Variants in COIL observed in about 807,000 individuals in gnomAD.
COIL encodes coilin.
COIL carries 28 observed loss-of-function variants against 51.6 expected under a neutral mutation model. The observed-to-expected ratio is 0.54, with a 90% CI of 0.40 to 0.74. The LOEUF is 0.74. Among genes scored for constraint, COIL ranks in the 30% least tolerant of loss-of-function variants. The pLI is 0.00. For missense variants in COIL, 667 were observed against 685.9 expected (o/e 0.97, Z 0.31); for synonymous variants, 233 against 255.8 (o/e 0.91, Z 0.85).
rs746391357 is a variant in COIL at position 56,961,029 on chromosome 17, T to G, written c.-10A>C. ...TCTCGGAAGCTGCCATCTTGCTTGG[T>G]GCTCAACGGAAGCCGAGAGATACCA... is the stretch of plus-strand genomic sequence containing the variant. On this transcript the variant is annotated 5_prime_UTR_variant, in exon 1 of 7. Coordinates refer to ENST00000240316, the MANE Select transcript of COIL (RefSeq NM_004645.3). 3 of 1,611,270 alleles carry G rather than the reference T, an allele frequency of 1.9e-6. No individual in the cohort carries two copies. Among genetic ancestry groups the G allele is most frequent in the East Asian group, 4.5e-5 (2 of 44,784 alleles).
At chr17:56,948,273 T>G (rs1170491465) in intron 4 of COIL, among the ~76,000 whole-genome samples, 1 of 151,694 alleles carries the variant, frequency 6.6e-6, no homozygotes, top group Non-Finnish European at 1.5e-5. Context: ...TAGCTGGGAC[T>G]ACAGGCACCC....
intron 1 of COIL, among the ~76,000 whole-genome samples, chr17:56,953,412 A>AAAT (rs1910418568): frequency 9.3e-6 from 1 of 107,094 alleles, no homozygotes; most frequent in Admixed American, 8.7e-5. Flanking sequence ...CTCCGTCTCA[A>AAAT]AAAAAAAAAA....
chr17:56,938,470 A>G lies in COIL; in HGVS notation c.*601T>C, dbSNP rs1214182420. 2 of 152,212 alleles carry G rather than the reference A, an allele frequency of 1.3e-5. No individual in the cohort carries two copies. Among genetic ancestry groups the G allele is most frequent in the Non-Finnish European group, 2.9e-5 (2 of 68,088 alleles). 9.4% of individuals were successfully genotyped at this position (152,212 alleles called of 1,614,324 possible). On this transcript the variant is annotated 3_prime_UTR_variant, in exon 7 of 7. Coordinates refer to ENST00000240316, the MANE Select transcript of COIL (RefSeq NM_004645.3). ...TCCAGGCATACACACACATACGCAC[A>G]TCTTATTTTCACTGCTCTACACAGG...
chr17:56,942,086 G>T lies in COIL; in HGVS notation c.1596C>A (p.His532Gln). The change falls in exon 6 of 7, where the codon CAC becomes CAA. Residue 532 changes from histidine (H) to glutamine (Q), a missense_variant. Coordinates refer to ENST00000240316, the MANE Select transcript of COIL (RefSeq NM_004645.3). ...REPGKFDLVYHNENGAEVVEY... is the reference protein window; with the variant it reads ...REPGKFDLVYQNENGAEVVEY... ...CCACTACCTCGGCTCCATTTTCATT[G>T]TGATAAACTAAATCAAATTTCCCAG... 6.2e-7 allele frequency: 1 copy of T among 1,614,142 alleles called. No homozygotes were observed. Among genetic ancestry groups the T allele is most frequent in the South Asian group, 1.1e-5 (1 of 91,086 alleles).
chr17:56,941,171 A>G (rs1910139758), intron 6 of COIL: 1 of 151,472 alleles, frequency 6.6e-6, no homozygotes, highest in Admixed American at 6.6e-5. Context: ...TATAAACCAT[A>G]TACTTCCCAA....
chr17:56,959,620 C>A (rs1375281378), intron 1 of COIL, among the ~76,000 whole-genome samples: 1 of 152,186 alleles, frequency 6.6e-6, no homozygotes, highest in Non-Finnish European at 1.5e-5. Flanking sequence ...GATACGCCAC[C>A]AGAAGTCTCA....
chr17:56,955,605 A>G (rs1395588899), intron 1 of COIL, among the ~76,000 whole-genome samples: 2 of 152,158 alleles, frequency 1.3e-5, no homozygotes, highest in Non-Finnish European at 2.9e-5. Context: ...AGCCTTTCTC[A>G]TCTATAAAAA....
chr17:56,945,467 C>T (rs1189244643), intron 5 of COIL, among the ~76,000 whole-genome samples: 5 of 152,240 alleles, frequency 3.3e-5, no homozygotes, highest in South Asian at 2.1e-4. Flanking sequence ...TCTTATTCCA[C>T]GCATTCAGTT....
At chr17:56,959,924 T>C (rs1208914287) in intron 1 of COIL, among the ~76,000 whole-genome samples, 1 of 152,220 alleles carries the variant, frequency 6.6e-6, no homozygotes, top group Non-Finnish European at 1.5e-5. Context: ...CTCGTTACAC[T>C]GCAGATTCCA....
At chr17:56,954,985 T>A (rs1910456001) in intron 1 of COIL, among the ~76,000 whole-genome samples, 1 of 152,184 alleles carries the variant, frequency 6.6e-6, no homozygotes, top group Admixed American at 6.5e-5. Context: ...CAAACAAAAG[T>A]GCATGCATTT....
rs994854302 is a variant in COIL at position 56,938,503 on chromosome 17, G to A, written c.*568C>T. The A allele has an allele frequency of 9.2e-5, 14 of 152,296 alleles. No homozygotes were observed. The highest frequency in any genetic ancestry group is 8.5e-4 in the Admixed American group (13 of 15,256). The allele number at this position is 152,296 out of a possible 1,614,324, so 9.4% of individuals were successfully genotyped here. A position where few individuals can be genotyped will look rare whatever the true frequency, so the allele number is the denominator to read the frequency against. On this transcript the variant is annotated 3_prime_UTR_variant, in exon 7 of 7. Coordinates refer to ENST00000240316, the MANE Select transcript of COIL (RefSeq NM_004645.3). ...TTCACTGCTCTACACAGGGACCTGA[G>A]AATCCTTAATTTTAAAGTTGGGAAA...
Position 56,942,130 on chromosome 17 carries a change from C to A in COIL, c.1559-7G>T. On this transcript the variant is annotated splice_polypyrimidine_tract_variant and splice_region_variant and intron_variant, in intron 5 of 6. Coordinates refer to ENST00000240316, the MANE Select transcript of COIL (RefSeq NM_004645.3). ...TTCCCAGGTTCTCTCAAGGCTGAAA[C>A]AAGAAGATAGGGAGGAAAGAGAGTA... 1 of 1,607,688 alleles carries A rather than the reference C, an allele frequency of 6.2e-7. No homozygotes were observed. Among genetic ancestry groups the A allele is most frequent in the Non-Finnish European group, 8.5e-7 (1 of 1,174,152 alleles).
intron 4 of COIL, among the ~76,000 whole-genome samples, chr17:56,947,687 T>G (rs1294962886): frequency 6.6e-6 from 1 of 152,132 alleles, no homozygotes; most frequent in African/African-American, 2.4e-5. Context: ...GCCAGGCTGG[T>G]CTCGAACTCC....
intron 1 of COIL, among the ~76,000 whole-genome samples, chr17:56,959,349 A>G (rs1910539723): frequency 6.6e-6 from 1 of 152,130 alleles, no homozygotes; most frequent in African/African-American, 2.4e-5. Context: ...CTTTATTTAA[A>G]AAAGAAAAAA....
chr17:56,943,046 A>C (rs1446069065), intron 5 of COIL, among the ~76,000 whole-genome samples: 2 of 152,170 alleles, frequency 1.3e-5, no homozygotes, highest in African/African-American at 4.8e-5. Flanking sequence ...CTAAGAACTA[A>C]CTTTCTTTTT....
chr17:56,944,818 C>T (rs1439708346), intron 5 of COIL, among the ~76,000 whole-genome samples: 1 of 149,720 alleles, frequency 6.7e-6, no homozygotes, highest in Non-Finnish European at 1.5e-5. Context: ...GAGATCGAGA[C>T]CATCCTGGCT....
intron 1 of COIL, among the ~76,000 whole-genome samples, chr17:56,954,107 A>G (rs1486067295): frequency 1.3e-5 from 2 of 152,152 alleles, no homozygotes; most frequent in East Asian, 3.8e-4. Flanking sequence ...TCAAATGTTG[A>G]AAATGGTTGC....
At chr17:56,959,317 C>T (rs1910539067) in intron 1 of COIL, among the ~76,000 whole-genome samples, 1 of 152,000 alleles carries the variant, frequency 6.6e-6, no homozygotes, top group Admixed American at 6.5e-5. Context: ...GCACTCCAGC[C>T]TGGGCATGGG....
intron 5 of COIL, among the ~76,000 whole-genome samples, chr17:56,944,012 T>C (rs1381579953): frequency 6.6e-6 from 1 of 150,708 alleles, no homozygotes; most frequent in Non-Finnish European, 1.5e-5. Context: ...ACTACAAGCA[T>C]GTACCACCAC....
Sources: allele counts gnomAD v4.1 joint callset (sites outside exome capture counted in the v4.1 genomes callset), GRCh38; gene constraint gnomAD v4.1.1; transcripts MANE v1.5; gene names NCBI Gene and HGNC (gene_info 2026-07-23, HGNC 2026-07-21).